Variants in NEBL observed in about 807,000 individuals in gnomAD.
The protein encoded by NEBL is nebulette.
In NEBL, 122 loss-of-function variants were observed where a neutral mutation model predicts 140.2. That is an observed-to-expected ratio of 0.87 (90% confidence interval 0.75 to 1.01). The LOEUF is 1.01. Among genes scored for constraint, NEBL ranks in the 50% least tolerant of loss-of-function variants. The pLI is 0.00. For missense variants in NEBL, 1,365 were observed against 1,231.3 expected (o/e 1.11, Z -1.62); for synonymous variants, 436 against 398.9 (o/e 1.09, Z -1.11).
chr10:20,912,587 A>G (rs1454380722), intron 4 of NEBL, among the ~76,000 whole-genome samples: 5 of 152,166 alleles, frequency 3.3e-5, no homozygotes, highest in Non-Finnish European at 1.5e-5. Context: ...TGAATCCAGT[A>G]TAAGTCTTTA....
At chr10:21,153,155 T>A (rs2132132197) in intron 2 of NEBL, among the ~76,000 whole-genome samples, 1 of 152,280 alleles carries the variant, frequency 6.6e-6, no homozygotes, top group African/African-American at 2.4e-5. Context: ...TCTCAACAAC[T>A]CTTGGCAGTA....
intron 3 of NEBL, among the ~76,000 whole-genome samples, chr10:20,981,550 T>A (rs1837042929): frequency 6.6e-6 from 1 of 152,172 alleles, no homozygotes; most frequent in African/African-American, 2.4e-5. Flanking sequence ...CTGACTTGCT[T>A]CTGAAAACTC....
intron 20 of NEBL, chr10:20,819,085 T>A (rs1839016306): frequency 2.0e-6 from 2 of 1,013,876 alleles, no homozygotes; most frequent in Middle Eastern, 4.5e-4. Flanking sequence ...AACTTTTAAG[T>A]TCAGCGGTAC....
intron 14 of NEBL, among the ~76,000 whole-genome samples, chr10:20,833,344 C>G (rs1840593583): frequency 6.6e-6 from 1 of 151,880 alleles, no homozygotes; most frequent in Admixed American, 6.5e-5. Flanking sequence ...CAATAAGATC[C>G]ATTGACTTTA....
intron 2 of NEBL, among the ~76,000 whole-genome samples, chr10:21,085,162 C>T (rs1836566306): frequency 6.6e-6 from 1 of 152,110 alleles, no homozygotes; most frequent in Non-Finnish European, 1.5e-5. Context: ...CATGTGAGGA[C>T]CCATTATATT....
intron 2 of NEBL, among the ~76,000 whole-genome samples, chr10:20,894,381 G>A (rs1044815309): frequency 6.6e-6 from 1 of 152,008 alleles, no homozygotes; most frequent in African/African-American, 2.4e-5. Flanking sequence ...GCTAAGGCTG[G>A]AGAATCACTT....
At chr10:21,197,639 C>T (rs1261219006) in intron 3 of NEBL, among the ~76,000 whole-genome samples, 1 of 152,148 alleles carries the variant, frequency 6.6e-6, no homozygotes, top group Non-Finnish European at 1.5e-5. Context: ...CTCTGGCCTC[C>T]TTCCTCATAA....
chr10:21,128,748 T>C (rs964257152), intron 2 of NEBL, among the ~76,000 whole-genome samples: 1 of 152,180 alleles, frequency 6.6e-6, no homozygotes, highest in Non-Finnish European at 1.5e-5. Context: ...TTAAAACACA[T>C]TTTTTAAAAG....
chr10:21,000,829 T>C (rs1837863363), intron 3 of NEBL, among the ~76,000 whole-genome samples: 1 of 152,112 alleles, frequency 6.6e-6, no homozygotes, highest in African/African-American at 2.4e-5. Flanking sequence ...AGAAAGCTGA[T>C]TCACTGGAGA....
At chr10:21,075,043 C>T (rs1434119135) in intron 2 of NEBL, among the ~76,000 whole-genome samples, 3 of 151,298 alleles carry the variant, frequency 2.0e-5, no homozygotes, top group Admixed American at 6.6e-5. Flanking sequence ...TGAGCTCAAG[C>T]GATCCACTTG....
At chr10:21,209,242 G>T (rs12261310) in intron 3 of NEBL, among the ~76,000 whole-genome samples, 333 of 152,312 alleles carry the variant, frequency 2.2e-3, no homozygotes, top group African/African-American at 7.6e-3. Context: ...CCCTCTCATA[G>T]GATGGTCTCT....
At position 20,787,323 on chromosome 10, in the gene NEBL, T is replaced by C. The variant is rs1835506305; in HGVS notation, c.2762-15A>G. 6 of 1,584,410 alleles carry C rather than the reference T, an allele frequency of 3.8e-6. No individual in the cohort carries two copies. In the African/African-American group the frequency reaches 5.4e-5, roughly 14 times the overall value. On this transcript the variant is annotated splice_polypyrimidine_tract_variant and intron_variant, in intron 26 of 27. Transcript: ENST00000377122. ...AAGAACAGGTGCTGCATGTTAAACA[T>C]ACACACACACAAAGATTCCTTAAAG...
At chr10:21,040,936 G>A (rs777584860) in intron 2 of NEBL, among the ~76,000 whole-genome samples, 2 of 151,962 alleles carry the variant, frequency 1.3e-5, no homozygotes, top group African/African-American at 2.4e-5. Context: ...TAAGTTTCCC[G>A]AAGCCTCCCC....
chr10:20,940,970 G>A (rs1285090092), intron 4 of NEBL, among the ~76,000 whole-genome samples: 1 of 152,098 alleles, frequency 6.6e-6, no homozygotes, highest in African/African-American at 2.4e-5. Flanking sequence ...AAAAAGTCCA[G>A]GACCAGATGG....
chr10:20,791,934 A>G (rs1359373571), intron 26 of NEBL, among the ~76,000 whole-genome samples: 4 of 152,258 alleles, frequency 2.6e-5, no homozygotes, highest in East Asian at 1.9e-4. Flanking sequence ...ACAACTATCT[A>G]AAACAGATAC....
intron 21 of NEBL, 126 bp from the exon 22 acceptor site, chr10:20,815,843 A>T: frequency 1.4e-6 from 1 of 733,110 alleles, no homozygotes; most frequent in Admixed American, 2.0e-5. Flanking sequence ...ATCTTTGCTC[A>T]CCACAGCCTC....
At chr10:20,999,905 T>G (rs1398854654) in intron 3 of NEBL, among the ~76,000 whole-genome samples, 1 of 152,150 alleles carries the variant, frequency 6.6e-6, no homozygotes, top group Non-Finnish European at 1.5e-5. Context: ...CCCATGCTGA[T>G]GTTTGAGAAA....
intron 26 of NEBL, among the ~76,000 whole-genome samples, chr10:20,794,788 C>T (rs1263589349): frequency 3.3e-5 from 5 of 152,154 alleles, no homozygotes; most frequent in Non-Finnish European, 7.4e-5. Context: ...ACTAATTTAG[C>T]TCTTAAAGTT....
intron 4 of NEBL, among the ~76,000 whole-genome samples, chr10:20,904,102 C>G (rs185524574): frequency 6.6e-6 from 1 of 152,024 alleles, no homozygotes; most frequent in Non-Finnish European, 1.5e-5. Context: ...AAGTTATGTG[C>G]ATGTGTTCTC....
Sources: allele counts gnomAD v4.1 joint callset (sites outside exome capture counted in the v4.1 genomes callset), GRCh38; gene constraint gnomAD v4.1.1; transcripts MANE v1.5; gene names NCBI Gene and HGNC (gene_info 2026-07-23, HGNC 2026-07-21).